SPEN: variants seen among roughly 807,000 people sequenced by gnomAD.
The protein encoded by SPEN is spen family transcriptional repressor.
In SPEN, 18 loss-of-function variants were observed where a neutral mutation model predicts 269.9. That is an observed-to-expected ratio of 0.07 (90% CI 0.05 to 0.10). The LOEUF (loss-of-function observed/expected upper bound fraction) is 0.10. Among genes scored for constraint, SPEN ranks in the 10% least tolerant of loss-of-function variants. The pLI is 1.00. For synonymous variants in SPEN, 1,726 were observed against 1,765.7 expected (o/e 0.98, Z 0.56); for missense variants, 3,822 against 4,631.2 (o/e 0.83, Z 5.07).
rs752417115 is a variant in SPEN at position 15,937,201 on chromosome 1, G to T, written c.10065G>T (p.Gln3355His). The T allele has an allele frequency of 6.2e-7, 1 of 1,613,376 alleles. No homozygotes were observed. The highest frequency in any genetic ancestry group is 8.5e-7 in the Non-Finnish European group (1 of 1,179,898). Reference protein sequence around the residue: ...PPEGEPLQPPQPVQSTQPAQP... With the variant: ...PPEGEPLQPPHPVQSTQPAQP... ...AAGGTGAGCCCCTGCAGCCTCCTCA[G>T]CCTGTGCAGTCCACACAGCCTGCCC... The change falls in exon 12 of 15, where the codon CAG (glutamine) becomes CAT (histidine). Residue 3355 changes from glutamine to histidine, a missense_variant. This residue lies in a region of SPEN where 359 missense variants were observed against 377.3 expected (regional missense o/e 0.95). Transcript: ENST00000375759. This position sits in a 1 kb window ranked among gnomAD's most constrained non-coding sequence, Gnocchi z 5.7.
intron 1 of SPEN, among the ~76,000 whole-genome samples, chr1:15,862,394 A>G (rs1052965863): frequency 2.0e-5 from 3 of 152,238 alleles, no homozygotes; most frequent in Non-Finnish European, 2.9e-5. Context: ...TGTTAGCTTA[A>G]TGGTCATCGT....
chr1:15,865,420 GTTTTTT>G (rs35623952), intron 1 of SPEN, among the ~76,000 whole-genome samples: 1 of 116,086 alleles, frequency 8.6e-6, no homozygotes. Context: ...GTATATGCCT[GTTTTTT>G]TTTTTTTTTT....
At position 15,929,156 on chromosome 1, in the gene SPEN, G is replaced by C. The variant is rs538357731; in HGVS notation, c.2916G>C (p.Gly972=). 6.8e-6 allele frequency: 11 copies of C among 1,614,168 alleles called. No individual in the cohort carries two copies. The highest frequency in any genetic ancestry group is 1.1e-5 in the South Asian group (1 of 91,078). ...TCAAGCCTGAGCAGCCTGCAGATGG[G>C]GTAAGTGCTGTGGATCTGGAGAAGC... ...KHLKPEQPAD[G]VSAVDLEKLE... The change falls in exon 11 of 15, where the codon GGG becomes GGC. Residue 972 remains glycine, a synonymous_variant. Coordinates refer to ENST00000375759, the MANE Select transcript of SPEN (RefSeq NM_015001.3). The surrounding 1 kb of genome is among the most constrained non-coding windows in gnomAD (Gnocchi z 5.8).
intron 3 of SPEN, among the ~76,000 whole-genome samples, chr1:15,898,540 T>A (rs951812622): frequency 4.0e-4 from 60 of 148,214 alleles, no homozygotes; most frequent in African/African-American, 1.2e-3. Context: ...TTTGTCAAAA[T>A]TTTTTTTTTC....
chr1:15,918,472 A>G (rs987905000), intron 6 of SPEN, among the ~76,000 whole-genome samples: 1 of 151,978 alleles, frequency 6.6e-6, no homozygotes, highest in Non-Finnish European at 1.5e-5. Context: ...GCCCGCCTCC[A>G]CCTCCCAAAG....
At chr1:15,874,196 A>C (rs753147339) in intron 2 of SPEN, 2 of 1,366,562 alleles carry the variant, frequency 1.5e-6, no homozygotes, top group Non-Finnish European at 2.0e-6. Flanking sequence ...GTCTGGGACT[A>C]CTTGCTTCCA....
chr1:15,922,890 A>C (rs1203627583), intron 10 of SPEN, among the ~76,000 whole-genome samples: 1 of 152,192 alleles, frequency 6.6e-6, no homozygotes, highest in African/African-American at 2.4e-5. Context: ...CTGGGATTAC[A>C]GGTGTGAGCC....
intron 3 of SPEN, among the ~76,000 whole-genome samples, chr1:15,890,563 T>G (rs899336591): frequency 2.6e-5 from 4 of 151,000 alleles, no homozygotes; most frequent in Non-Finnish European, 4.4e-5. Context: ...CTCAGGTTTT[T>G]TTTTTTTTTT....
chr1:15,860,409 GTGTGTGTGTA>G (rs2070433822), intron 1 of SPEN, among the ~76,000 whole-genome samples: 3 of 144,884 alleles, frequency 2.1e-5, no homozygotes, highest in African/African-American at 8.0e-5. Context: ...GTGTGTGTGT[GTGTGTGTGTA>G]TGTGTAGCTA....
At chr1:15,891,675 C>T (rs530390351) in intron 3 of SPEN, among the ~76,000 whole-genome samples, 9 of 151,628 alleles carry the variant, frequency 5.9e-5, no homozygotes, top group South Asian at 4.2e-4. Flanking sequence ...TGTTTTTAAG[C>T]GATAGGGTCT....
intron 3 of SPEN, among the ~76,000 whole-genome samples, chr1:15,888,176 T>G (rs970288343): frequency 6.6e-6 from 1 of 150,698 alleles, no homozygotes; most frequent in African/African-American, 2.4e-5. Context: ...TGGTGCTGTC[T>G]CAGCTCACTG....
chr1:15,924,227 C>G (rs2071146243), intron 10 of SPEN, among the ~76,000 whole-genome samples: 1 of 152,184 alleles, frequency 6.6e-6, no homozygotes, highest in Non-Finnish European at 1.5e-5. Context: ...AAAAAATTCT[C>G]TATCCTGGCT....
chr1:15,888,473 G>A (rs1383389629), intron 3 of SPEN, among the ~76,000 whole-genome samples: 3 of 151,422 alleles, frequency 2.0e-5, no homozygotes, highest in African/African-American at 7.3e-5. Flanking sequence ...ACAGGCACAC[G>A]TCACCACGCC....
chr1:15,890,107 C>G (rs2148718408), intron 3 of SPEN, among the ~76,000 whole-genome samples: 1 of 152,258 alleles, frequency 6.6e-6, no homozygotes, highest in African/African-American at 2.4e-5. Flanking sequence ...TTAAAAATGT[C>G]TTTGCAGAGT....
At chr1:15,864,504 T>C (rs2070479822) in intron 1 of SPEN, among the ~76,000 whole-genome samples, 1 of 144,188 alleles carries the variant, frequency 6.9e-6, no homozygotes, top group Non-Finnish European at 1.5e-5. Context: ...TTGTAAGCAG[T>C]GTTGTAGTAA....
In SPEN at chr1:15,916,267, T is replaced by C. The variant is rs1217185046; in HGVS notation, c.1383T>C (p.Phe461=). The change falls in exon 6 of 15, where the codon TTT becomes TTC. Residue 461 remains phenylalanine (F), a synonymous_variant. Transcript: ENST00000375759. The part of the protein sequence containing the change: ...YHDLRNIFQR[F]GEIVDIDIKK... The stretch of plus-strand genomic sequence containing the variant: ...ACCTTCGCAACATCTTCCAGCGCTT[T>C]GGAGAAATTGTGGTATGTTGCTTTT... 3 of 1,611,698 alleles carry C rather than the reference T, an allele frequency of 1.9e-6. No individual in the cohort carries two copies. The highest frequency in any genetic ancestry group is 2.5e-6 in the Non-Finnish European group (3 of 1,179,460).
chr1:15,862,604 G>A (rs2070458963), intron 1 of SPEN, among the ~76,000 whole-genome samples: 1 of 152,106 alleles, frequency 6.6e-6, no homozygotes, highest in Non-Finnish European at 1.5e-5. Context: ...TCTTTTGAGA[G>A]GTTTGTCAGT....
chr1:15,934,074 C>A lies in SPEN; in HGVS notation c.7834C>A (p.Pro2612Thr). ...LVAADKEKVA[P>T]VIAPKITSVI... ...AGCTGCTGACAAGGAAAAGGTGGCT[C>A]CAGTCATTGCTCCCAAAATTACCTC... Residue 2612 changes from proline to threonine, a missense_variant, in exon 11 of 15, where the codon CCA becomes ACA. Around this residue, in one of 16 missense-constraint regions of SPEN, gnomAD observed 329 missense variants for 431.2 expected, o/e 0.76. Coordinates refer to ENST00000375759, the MANE Select transcript of SPEN (RefSeq NM_015001.3). The surrounding 1 kb of genome is among the most constrained non-coding windows in gnomAD (Gnocchi z 9.2). 1 of 1,610,498 alleles carries A rather than the reference C, an allele frequency of 6.2e-7. No homozygotes were observed. Among genetic ancestry groups the A allele is most frequent in the South Asian group, 1.1e-5 (1 of 90,934 alleles).
chr1:15,893,796 G>C (rs1187644469), intron 3 of SPEN, among the ~76,000 whole-genome samples: 1 of 152,156 alleles, frequency 6.6e-6, no homozygotes, highest in Non-Finnish European at 1.5e-5. Context: ...AGCACTTTGG[G>C]GGAGGCTAAG....
Sources: allele counts gnomAD v4.1 joint callset (sites outside exome capture counted in the v4.1 genomes callset), GRCh38; gene constraint gnomAD v4.1.1; regional missense constraint gnomAD v4.1.1; non-coding constraint Gnocchi (gnomAD v3.1); transcripts MANE v1.5; gene names NCBI Gene and HGNC (gene_info 2026-07-23, HGNC 2026-07-21).